Variants in PTK2 observed in about 807,000 individuals in gnomAD.
PTK2 encodes the protein focal adhesion kinase 1.
In PTK2, 45 loss-of-function variants were observed where a neutral mutation model predicts 150.1. That is an observed-to-expected ratio of 0.30 (90% CI 0.24 to 0.38). The LOEUF (loss-of-function observed/expected upper bound fraction) is 0.38, where lower values mean the gene tolerates loss of function less well. PTK2 is among the 10% of genes least tolerant of loss of function. The pLI is 1.00. For missense variants in PTK2, 919 were observed against 1,307.3 expected, an observed-to-expected ratio of 0.70 and a Z score of 4.58; for synonymous variants, 432 against 449.2, an observed-to-expected ratio of 0.96 and a Z score of 0.48.
At chr8:140,984,557 C>T (rs1004847716) in intron 1 of PTK2, among the ~76,000 whole-genome samples, 8 of 152,002 alleles carry the variant, frequency 5.3e-5, no homozygotes, top group Admixed American at 1.3e-4. Context: ...TCATATAGTG[C>T]CTGCACACAC....
intron 1 of PTK2, among the ~76,000 whole-genome samples, chr8:140,931,732 C>A (rs1027348102): frequency 1.3e-5 from 2 of 151,440 alleles, no homozygotes; most frequent in Non-Finnish European, 2.9e-5. Context: ...CCCAGGAGTT[C>A]GAGACCAGCC....
intron 2 of PTK2, chr8:140,921,131 ATCTGAAACAC>A: frequency 7.9e-7 from 1 of 1,268,438 alleles, no homozygotes; most frequent in East Asian, 3.3e-5. Context: ...TGCTTCCGCA[ATCTGAAACAC>A]AGACCATCCT....
chr8:140,895,129 C>T (rs1474509143), intron 2 of PTK2, among the ~76,000 whole-genome samples: 1 of 152,140 alleles, frequency 6.6e-6, no homozygotes, highest in Non-Finnish European at 1.5e-5. Flanking sequence ...TGTATTTCAA[C>T]TAACCCTTTA....
intron 27 of PTK2, 48 bp downstream of exon 30, chr8:140,686,584 A>T: frequency 6.9e-7 from 1 of 1,446,358 alleles, no homozygotes; most frequent in Non-Finnish European, 9.7e-7. Flanking sequence ...CTGATGGTCC[A>T]CGCACAGGAG....
intron 1 of PTK2, among the ~76,000 whole-genome samples, chr8:140,959,199 T>C (rs1269567874): frequency 6.6e-6 from 1 of 152,028 alleles, no homozygotes; most frequent in African/African-American, 2.4e-5. Context: ...CTGGCAATAA[T>C]TTTTTACCTG....
At chr8:140,879,703 C>CAAAAAAAAAAAAAA (rs2100148020) in intron 3 of PTK2, 66 bp from the exon 4 acceptor site, 5 of 793,878 alleles carry the variant, frequency 6.3e-6, no homozygotes, top group Admixed American at 4.8e-5. Flanking sequence ...AAAAAAAAAC[C>CAAAAAAAAAAAAAA]AAAACAAAAC....
chr8:140,777,075 T>A (rs138797146), intron 14 of PTK2, among the ~76,000 whole-genome samples: 150 of 152,306 alleles, frequency 9.8e-4, no homozygotes, highest in African/African-American at 3.4e-3. Flanking sequence ...CAGTGGGTGA[T>A]GTGCTAATGA....
chr8:140,719,887 CAAAAAAAA>C (rs71308987), intron 22 of PTK2, among the ~76,000 whole-genome samples: 6 of 90,870 alleles, frequency 6.6e-5, no homozygotes, highest in African/African-American at 3.2e-4. Flanking sequence ...CTTGTCTCAC[CAAAAAAAA>C]AAAAAAAAAA....
At chr8:140,884,161 C>T (rs1316764594) in intron 3 of PTK2, among the ~76,000 whole-genome samples, 1 of 152,250 alleles carries the variant, frequency 6.6e-6, no homozygotes, top group East Asian at 1.9e-4. Context: ...GGGACATCTG[C>T]ACAGGTTCTG....
intron 12 of PTK2, among the ~76,000 whole-genome samples, chr8:140,799,985 TA>T (rs2100093979): frequency 6.6e-6 from 1 of 152,202 alleles, no homozygotes; most frequent in South Asian, 2.1e-4. Flanking sequence ...GTTTCTAGGA[TA>T]TTTATTCATT....
At chr8:140,682,536 CT>C (rs34850206) in intron 27 of PTK2, among the ~76,000 whole-genome samples, 58,612 of 151,504 alleles carry the variant, frequency 0.39, 12,658 homozygotes, top group Non-Finnish European at 0.49. Context: ...ACTAAAAGGC[CT>C]TTATTAAACA....
At chr8:140,948,961 T>C (rs1376082428) in intron 1 of PTK2, among the ~76,000 whole-genome samples, 1 of 151,926 alleles carries the variant, frequency 6.6e-6, no homozygotes, top group Admixed American at 6.6e-5. Flanking sequence ...ATAGTTACAC[T>C]GAGTGTGCCT....
chr8:141,000,267 C>T, intron 1 of PTK2, among the ~76,000 whole-genome samples: 3 of 152,292 alleles, frequency 2.0e-5, no homozygotes, highest in Admixed American at 2.0e-4. Context: ...CACAATGACT[C>T]CAGTGAGGAC....
chr8:140,928,371 T>G (rs2100170493), intron 1 of PTK2, among the ~76,000 whole-genome samples: 1 of 152,166 alleles, frequency 6.6e-6, no homozygotes. Context: ...TGTAAAATGG[T>G]ACAACTGCTA....
chr8:140,920,170 T>C (rs760183657), intron 2 of PTK2, among the ~76,000 whole-genome samples: 64 of 152,294 alleles, frequency 4.2e-4, no homozygotes, highest in Middle Eastern at 3.4e-3. Flanking sequence ...TCTACTACTC[T>C]AAGCAAAACA....
At chr8:140,969,973 C>T (rs976061220) in intron 1 of PTK2, among the ~76,000 whole-genome samples, 1 of 152,230 alleles carries the variant, frequency 6.6e-6, no homozygotes, top group African/African-American at 2.4e-5. Flanking sequence ...GAGCACACTA[C>T]CCTCTGGAGG....
chr8:140,914,957 C>T (rs113734277), intron 2 of PTK2, among the ~76,000 whole-genome samples: 3,240 of 136,190 alleles, frequency 0.024, 128 homozygotes, highest in African/African-American at 0.084. Flanking sequence ...CGCTTGAACC[C>T]GGGAGGCAGA....
At chr8:140,930,382 T>C (rs1405354591) in intron 1 of PTK2, among the ~76,000 whole-genome samples, 3 of 152,212 alleles carry the variant, frequency 2.0e-5, no homozygotes, top group Non-Finnish European at 4.4e-5. Context: ...CTGTCCTATG[T>C]TCCAATGTGC....
chr8:140,865,059 T>G (rs1308500645), intron 4 of PTK2, among the ~76,000 whole-genome samples: 1 of 152,216 alleles, frequency 6.6e-6, no homozygotes, highest in Non-Finnish European at 1.5e-5. Context: ...TTCCTCTATA[T>G]CTTTGCCTCC....
Sources: gnomAD v4.1 joint callset for allele counts (sites outside exome capture counted in the v4.1 genomes callset) on GRCh38, gnomAD v4.1.1 for gene constraint, MANE v1.5 for transcripts, NCBI Gene and HGNC (gene_info 2026-07-23, HGNC 2026-07-21) for gene names.